TGFBR3: variants seen among roughly 807,000 people sequenced by gnomAD.
TGFBR3 encodes the protein transforming growth factor beta receptor 3.
TGFBR3 carries 46 observed loss-of-function variants against 87.9 expected under a neutral mutation model. The observed-to-expected ratio is 0.52, with a 90% CI of 0.41 to 0.67. The LOEUF (loss-of-function observed/expected upper bound fraction) is 0.67, where lower values mean the gene tolerates loss of function less well. Ranked by LOEUF, TGFBR3 falls within the 30% of genes least tolerant of loss-of-function variation. TGFBR3 has a pLI of 0.00. For missense variants in TGFBR3, 866 were observed against 1,041.9 expected, an observed-to-expected ratio of 0.83 and a Z score of 2.32; for synonymous variants, 381 against 391.6, an observed-to-expected ratio of 0.97 and a Z score of 0.32.
Position 91,780,883 on chromosome 1 carries a change from C to CACACA in TGFBR3, c.246+16403_246+16404insTGTGT, listed in dbSNP as rs1557706790. ...TTCCTAAGGCTTTTAAACTAGAGAA[C>CACACA]TACACACACACACACACACACACAC... On this transcript the variant is annotated intron_variant, in intron 3 of 16. Coordinates refer to ENST00000212355, the MANE Select transcript of TGFBR3 (RefSeq NM_003243.5). Among the ~76,000 whole-genome samples, 11 of 107,124 alleles carry CACACA rather than the reference C, an allele frequency of 1.0e-4. 1 individual carries two copies. Among genetic ancestry groups the CACACA allele is most frequent in the African/African-American group, 4.1e-4 (11 of 26,694 alleles). 70.3% of individuals were successfully genotyped at this position (107,124 alleles called of 152,430 possible).
chr1:91,730,164 C>A (rs1245491282), intron 5 of TGFBR3, among the ~76,000 whole-genome samples, 191 bp from the exon 6 acceptor site: 1 of 152,184 alleles, frequency 6.6e-6, no homozygotes, highest in Non-Finnish European at 1.5e-5. Context: ...CAGTGACCGC[C>A]TATTGACTAG....
chr1:91,896,372 C>G (rs1437278212), intron 2 of TGFBR3, among the ~76,000 whole-genome samples: 1 of 152,184 alleles, frequency 6.6e-6, no homozygotes, highest in Admixed American at 6.5e-5. Context: ...AAGAGAGATG[C>G]ACCTCTAGGG....
upstream of TGFBR3, among the ~76,000 whole-genome samples, chr1:91,887,235 C>CTTTTTTTTTTTTTTT (rs1557764185): frequency 1.6e-4 from 2 of 12,804 alleles, no homozygotes; most frequent in Admixed American, 9.9e-4. Context: ...TGGACCTATG[C>CTTTTTTTTTTTTTTT]CTTTTTTTTT....
chr1:91,813,397 G>A (rs1315786326), intron 2 of TGFBR3, among the ~76,000 whole-genome samples: 1 of 152,136 alleles, frequency 6.6e-6, no homozygotes, highest in Non-Finnish European at 1.5e-5. Flanking sequence ...TGTATAACTA[G>A]GTATGACAAA....
In TGFBR3 at chr1:91,706,052, G is replaced by C. The variant is rs146716757; in HGVS notation, c.2287+2611C>G. Among the ~76,000 whole-genome samples, 1,357 of 152,300 alleles carry C rather than the reference G, an allele frequency of 8.9e-3. 26 individuals are homozygous for C. Among genetic ancestry groups the C allele is most frequent in the Middle Eastern group, 0.031 (9 of 294 alleles). ...AATATTAATGCCTAATTATTGTCTG[G>C]CATGGGAAAAAGCAAGCCGCTGCCT... On this transcript the variant is annotated intron_variant, in intron 14 of 16. Coordinates refer to ENST00000212355, the MANE Select transcript of TGFBR3 (RefSeq NM_003243.5).
Position 91,709,706 on chromosome 1 carries a change from G to A in TGFBR3, c.2167-923C>T, listed in dbSNP as rs911109517. 8.3e-4 allele frequency among the ~76,000 whole-genome samples: 127 copies of A among 152,108 alleles called. 1 individual carries two copies. Among genetic ancestry groups the A allele is most frequent in the Admixed American group, 7.3e-3 (111 of 15,268 alleles). On this transcript the variant is annotated intron_variant, in intron 13 of 16. Coordinates refer to ENST00000212355, the MANE Select transcript of TGFBR3 (RefSeq NM_003243.5). ...TTTTGAAAAAATATGATCACACTCC[G>A]CACTTTTTCTTTAAAATAACTTTGT...
At chr1:91,760,510 T>C (rs765552924) in intron 3 of TGFBR3, among the ~76,000 whole-genome samples, 5 of 152,090 alleles carry the variant, frequency 3.3e-5, no homozygotes, top group Non-Finnish European at 5.9e-5. Context: ...ACAATAAATA[T>C]TGACTTATCA....
intron 7 of TGFBR3, among the ~76,000 whole-genome samples, chr1:91,723,481 A>T (rs1156700239): frequency 4.1e-4 from 1 of 2,422 alleles, no homozygotes. Flanking sequence ...ACCCTGCCTT[A>T]AAAAAAAAAA....
At chr1:91,838,721 T>G (rs11587199) in intron 2 of TGFBR3, among the ~76,000 whole-genome samples, 1 of 151,894 alleles carries the variant, frequency 6.6e-6, no homozygotes, top group East Asian at 1.9e-4. Flanking sequence ...CACCCGCCTC[T>G]GCCTCCCAAA....
intron 2 of TGFBR3, among the ~76,000 whole-genome samples, chr1:91,860,509 A>G (rs1288916607): frequency 6.6e-6 from 1 of 152,208 alleles, no homozygotes; most frequent in Non-Finnish European, 1.5e-5. Context: ...TTAAGCTTCC[A>G]AATTTACTAA....
At chr1:91,731,460 G>C (rs2100815395) in intron 5 of TGFBR3, among the ~76,000 whole-genome samples, 1 of 152,330 alleles carries the variant, frequency 6.6e-6, no homozygotes, top group Middle Eastern at 3.4e-3. Context: ...CCCTCAGAGA[G>C]AAAAGCTCAA....
In TGFBR3 at chr1:91,740,395, C is replaced by T. The variant is rs550190128; in HGVS notation, c.385-5436G>A. Among the ~76,000 whole-genome samples, 33 of 148,040 alleles carry T rather than the reference C, an allele frequency of 2.2e-4. No homozygotes were observed. In the East Asian group the frequency reaches 5.9e-3, roughly 26 times the overall value. On this transcript the variant is annotated intron_variant, in intron 4 of 16. Transcript: ENST00000212355. ...TTTTTTTTTTTTTTAGATGGAGTCT[C>T]GCTCTGTCGCCCAGGCTGGAGTGCA...
At position 91,744,568 on chromosome 1, in the gene TGFBR3, A is replaced by G. The variant is rs575799884; in HGVS notation, c.385-9609T>C. 2.1e-3 allele frequency among the ~76,000 whole-genome samples: 237 copies of G among 112,862 alleles called. 1 individual carries two copies. The highest frequency in any genetic ancestry group is 6.4e-3 in the African/African-American group (220 of 34,550). 74.0% of individuals were successfully genotyped at this position (112,862 alleles called of 152,430 possible). On this transcript the variant is annotated intron_variant, in intron 4 of 16. Transcript: ENST00000212355. The stretch of plus-strand genomic sequence containing the variant: ...TGCTTCTTGGTCTGGTCTCAACATA[A>G]ATCAATGTCAAGAAAACATCTCAAG...
rs1675836213 is a variant in TGFBR3 at position 91,806,475 on chromosome 1, C to CA, written c.62-9005_62-9004insT. 5.3e-5 allele frequency among the ~76,000 whole-genome samples: 8 copies of CA among 151,474 alleles called. No individual in the cohort carries two copies. In the South Asian group the frequency reaches 1.0e-3, roughly 20 times the overall value. On this transcript the variant is annotated intron_variant, in intron 2 of 16. Coordinates refer to ENST00000212355, the MANE Select transcript of TGFBR3 (RefSeq NM_003243.5). ...CATGCAACATGGACAAAAATACTGGCGGGGGGGGTAATGTTTTGGAGAAGA... is the reference window on the plus strand; with the variant it reads ...CATGCAACATGGACAAAAATACTGGCAGGGGGGGGTAATGTTTTGGAGAAGA...
intron 14 of TGFBR3, among the ~76,000 whole-genome samples, chr1:91,702,088 T>TG (rs897355292): frequency 4.6e-5 from 7 of 152,078 alleles, no homozygotes; most frequent in African/African-American, 1.7e-4. Context: ...TAGCATGTAG[T>TG]GGGTAGAGAC....
intron 2 of TGFBR3, among the ~76,000 whole-genome samples, chr1:91,819,557 C>G (rs1300032693): frequency 1.3e-5 from 2 of 152,188 alleles, no homozygotes; most frequent in Admixed American, 1.3e-4. Flanking sequence ...CTACAGGCAT[C>G]AGCAGCACCT....
intron 2 of TGFBR3, among the ~76,000 whole-genome samples, chr1:91,816,704 A>T (rs1436709730): frequency 6.6e-6 from 1 of 152,248 alleles, no homozygotes; most frequent in Admixed American, 6.5e-5. Flanking sequence ...AATAACTGTT[A>T]ATATTCAAGT....
intron 2 of TGFBR3, among the ~76,000 whole-genome samples, chr1:91,894,061 T>A (rs1327547396): frequency 6.6e-6 from 1 of 152,072 alleles, no homozygotes; most frequent in Non-Finnish European, 1.5e-5. Context: ...TACCTTCTTC[T>A]CCCTCTTTGA....
Position 91,869,437 on chromosome 1 carries a change from G to A in TGFBR3, c.-113-7793C>T, listed in dbSNP as rs1233798493. Among the ~76,000 whole-genome samples the A allele has an allele frequency of 2.6e-5, 4 of 152,244 alleles. No individual in the cohort carries two copies. In the East Asian group the frequency reaches 7.7e-4, roughly 29 times the overall value. ...CACAGCACTTTGGTAGGCCAAGGTG[G>A]GCAGATCACTTGAGGTCAGGAGTTC... is the stretch of plus-strand genomic sequence containing the variant. On this transcript the variant is annotated intron_variant, in intron 1 of 16. Coordinates refer to ENST00000212355, the MANE Select transcript of TGFBR3 (RefSeq NM_003243.5).
Sources: gnomAD v4.1 joint callset for allele counts (sites outside exome capture counted in the v4.1 genomes callset) on GRCh38, gnomAD v4.1.1 for gene constraint, MANE v1.5 for transcripts, NCBI Gene and HGNC (gene_info 2026-07-23, HGNC 2026-07-21) for gene names.